RPA3: variants seen among roughly 807,000 people sequenced by gnomAD.
RPA3 encodes replication protein A 14 kDa subunit.
A neutral mutation model predicts 13.7 loss-of-function variants in RPA3; 24 were observed. The ratio of observed to expected loss-of-function variants is 1.75; its 90% CI spans 1.27 to 2.46. The LOEUF (loss-of-function observed/expected upper bound fraction) is 2.46, where lower values mean the gene tolerates loss of function less well. Among genes scored for constraint, RPA3 ranks in the 30% most tolerant of loss-of-function variants. RPA3 has a pLI of 0.00. For synonymous variants in RPA3, 59 were observed against 51.2 expected (o/e 1.15, Z -0.65); for missense variants, 183 against 151.0 (o/e 1.21, Z -1.11).
intron 2 of RPA3, chr7:7,692,468 G>A (rs1780194624): frequency 6.6e-6 from 1 of 152,136 alleles, no homozygotes; most frequent in Admixed American, 6.6e-5. Context: ...CCTCTAAGCT[G>A]GTGGAAATTT....
At chr7:7,668,596 A>G (rs1287700155) in intron 4 of RPA3, among the ~76,000 whole-genome samples, 1 of 152,234 alleles carries the variant, frequency 6.6e-6, no homozygotes, top group East Asian at 1.9e-4. Flanking sequence ...TAAGTGAAAC[A>G]ACATGTAATG....
At chr7:7,658,737 A>G (rs1220816352) in intron 4 of RPA3, among the ~76,000 whole-genome samples, 2 of 152,200 alleles carry the variant, frequency 1.3e-5, no homozygotes, top group African/African-American at 4.8e-5. Context: ...GTATTTTTGC[A>G]TCGATATTCA....
chr7:7,657,351 C>A (rs762084261), intron 4 of RPA3, among the ~76,000 whole-genome samples: 1 of 152,066 alleles, frequency 6.6e-6, no homozygotes, highest in Non-Finnish European at 1.5e-5. Flanking sequence ...CTTTTGTTGC[C>A]GTTGCTTTTG....
intron 4 of RPA3, among the ~76,000 whole-genome samples, chr7:7,646,480 ATTTTTT>A (rs35948027): frequency 4.6e-4 from 51 of 111,326 alleles, no homozygotes; most frequent in African/African-American, 1.3e-3. Flanking sequence ...CTTTCGCTGG[ATTTTTT>A]TTTTTTTTTT....
intron 6 of RPA3, 147 bp from the exon 7 acceptor site, chr7:7,638,119 T>C: frequency 1.9e-6 from 1 of 530,852 alleles, no homozygotes; most frequent in Non-Finnish European, 3.3e-6. Flanking sequence ...AAAATGTAAC[T>C]TGTTAACAAA....
intron 4 of RPA3, among the ~76,000 whole-genome samples, chr7:7,665,071 G>C (rs931784195): frequency 6.6e-6 from 1 of 152,042 alleles, no homozygotes; most frequent in African/African-American, 2.4e-5. Context: ...ATAGACAGTA[G>C]CTGCATCAAT....
At chr7:7,660,267 G>T (rs1334479038) in intron 4 of RPA3, among the ~76,000 whole-genome samples, 1 of 152,290 alleles carries the variant, frequency 6.6e-6, no homozygotes, top group South Asian at 2.1e-4. Flanking sequence ...TTGCCAGTCT[G>T]TGTCTTTTAA....
chr7:7,644,947 C>T (rs565090379), intron 4 of RPA3, among the ~76,000 whole-genome samples: 29 of 152,142 alleles, frequency 1.9e-4, no homozygotes, highest in Non-Finnish European at 2.8e-4. Flanking sequence ...ATCCTTGAGC[C>T]ATTTTGGTCC....
intron 4 of RPA3, among the ~76,000 whole-genome samples, chr7:7,669,149 G>GA (rs1779542002): frequency 6.6e-6 from 1 of 151,866 alleles, no homozygotes; most frequent in Admixed American, 6.6e-5. Context: ...TTTTGTATAG[G>GA]AAAAAACATA....
intron 4 of RPA3, among the ~76,000 whole-genome samples, chr7:7,667,512 T>C (rs1779495539): frequency 6.6e-6 from 1 of 152,162 alleles, no homozygotes; most frequent in African/African-American, 2.4e-5. Flanking sequence ...TGGGCAGAGG[T>C]TGCAGTTTTT....
chr7:7,714,084 T>G (rs1325817289), intron 2 of RPA3, among the ~76,000 whole-genome samples: 1 of 152,262 alleles, frequency 6.6e-6, no homozygotes, highest in Non-Finnish European at 1.5e-5. Context: ...TTTTGTGTGT[T>G]ATCTTTTTGA....
In RPA3 at chr7:7,714,297, T is replaced by A. The variant is rs374009491; in HGVS notation, c.-1028+878A>T. 5.9e-5 allele frequency among the ~76,000 whole-genome samples: 9 copies of A among 152,366 alleles called. No homozygotes were observed. The East Asian group carries it at 1.5e-3, about 26-fold the overall frequency. ...CCTTGGATGTTGACAGCATCTAGTT[T>A]ATTCTCTGATGAGCAGACTTTCTTT... On this transcript the variant is annotated intron_variant, in intron 2 of 7. Coordinates refer to ENST00000223129, the MANE Select transcript of RPA3 (RefSeq NM_002947.5).
At chr7:7,696,818 TTCTC>T (rs1305963645) in intron 2 of RPA3, among the ~76,000 whole-genome samples, 1 of 152,086 alleles carries the variant, frequency 6.6e-6, no homozygotes, top group African/African-American at 2.4e-5. Flanking sequence ...CATGTAGATG[TTCTC>T]TCTTTTTCTT....
At chr7:7,659,563 C>G (rs892593924) in intron 4 of RPA3, among the ~76,000 whole-genome samples, 2 of 152,116 alleles carry the variant, frequency 1.3e-5, no homozygotes, top group African/African-American at 4.8e-5. Context: ...TCGTTATTTA[C>G]CCAGTAGTCA....
intron 4 of RPA3, among the ~76,000 whole-genome samples, chr7:7,647,669 G>C (rs1043433234): frequency 6.6e-6 from 1 of 152,212 alleles, no homozygotes; most frequent in Admixed American, 6.5e-5. Context: ...CTGCAGTGGC[G>C]TGATTGTGGT....
chr7:7,657,789 A>G (rs1246901400), intron 4 of RPA3, among the ~76,000 whole-genome samples: 1 of 152,190 alleles, frequency 6.6e-6, no homozygotes, highest in Non-Finnish European at 1.5e-5. Context: ...TATCTTGGCT[A>G]TGTGGGCTCT....
At chr7:7,672,991 G>A (rs1279887833) in intron 4 of RPA3, among the ~76,000 whole-genome samples, 1 of 152,146 alleles carries the variant, frequency 6.6e-6, no homozygotes, top group Non-Finnish European at 1.5e-5. Context: ...TCTGTTTTAT[G>A]GTTAGCAAGA....
chr7:7,690,970 G>T (rs1336559548), intron 2 of RPA3, among the ~76,000 whole-genome samples: 2 of 152,172 alleles, frequency 1.3e-5, no homozygotes. Flanking sequence ...AAGGAGTGCA[G>T]TTTCTTTCTG....
intron 4 of RPA3, among the ~76,000 whole-genome samples, chr7:7,680,792 T>A (rs536370126): frequency 1.3e-5 from 2 of 152,256 alleles, no homozygotes; most frequent in Non-Finnish European, 2.9e-5. Flanking sequence ...GTATTTTATT[T>A]TACTGGTAGC....
Sources: allele counts gnomAD v4.1 joint callset (sites outside exome capture counted in the v4.1 genomes callset), GRCh38; gene constraint gnomAD v4.1.1; transcripts MANE v1.5; gene names NCBI Gene and HGNC (gene_info 2026-07-23, HGNC 2026-07-21).